Variants in PRR5 observed in about 807,000 individuals in gnomAD.
PRR5 encodes proline-rich protein 5.
Under a neutral mutation model 30.6 loss-of-function variants are expected in PRR5, and 25 were observed. The ratio of observed to expected loss-of-function variants is 0.82; its 90% CI spans 0.60 to 1.14. The LOEUF is 1.14. PRR5 is among the 50% of genes most tolerant of loss of function. The pLI, the probability that PRR5 is intolerant of heterozygous loss-of-function variation, is 0.00. For synonymous variants in PRR5, 286 were observed against 247.1 expected, an observed-to-expected ratio of 1.16 and a Z score of -1.48; for missense variants, 600 against 547.1, an observed-to-expected ratio of 1.10 and a Z score of -0.96.
intron 1 of PRR5, among the ~76,000 whole-genome samples, chr22:44,677,936 G>A (rs1923909569): frequency 6.6e-6 from 1 of 152,190 alleles, no homozygotes; most frequent in Non-Finnish European, 1.5e-5. Flanking sequence ...TTCCAGAGAG[G>A]CCCTGGCAGG....
chr22:44,713,809 C>G (rs1459309667), intron 1 of PRR5, among the ~76,000 whole-genome samples: 5 of 152,182 alleles, frequency 3.3e-5, no homozygotes, highest in African/African-American at 1.2e-4. Flanking sequence ...GTTTCGTTTT[C>G]TTTTGTTTTT....
chr22:44,681,512 C>T (rs1331447845), intron 1 of PRR5, among the ~76,000 whole-genome samples: 1 of 151,652 alleles, frequency 6.6e-6, no homozygotes, highest in Admixed American at 6.6e-5. Flanking sequence ...CGCTTGAAAC[C>T]GGAAGGCAGA....
chr22:44,726,555 G>C, intron 3 of PRR5, 22 bp from the exon 4 acceptor site: 1 of 1,613,968 alleles, frequency 6.2e-7, no homozygotes, highest in South Asian at 1.1e-5. Context: ...GGCGGTGACA[G>C]CCCCTCTGTG....
intron 1 of PRR5, among the ~76,000 whole-genome samples, chr22:44,671,533 T>C (rs1923425991): frequency 6.6e-6 from 1 of 152,050 alleles, no homozygotes. Context: ...CCTCAGACCC[T>C]CAGCTTCTGG....
At chr22:44,709,872 A>G (rs191092448) in intron 1 of PRR5, among the ~76,000 whole-genome samples, 150 of 152,292 alleles carry the variant, frequency 9.8e-4, no homozygotes, top group Admixed American at 3.7e-3. Context: ...ACAGAGAAAA[A>G]GAACTTCCGA....
chr22:44,736,450 T>C (rs1330910370), intron 7 of PRR5, among the ~76,000 whole-genome samples: 1 of 152,036 alleles, frequency 6.6e-6, no homozygotes, highest in African/African-American at 2.4e-5. Flanking sequence ...TCCATACACT[T>C]CCACAAGTGG....
intron 1 of PRR5, among the ~76,000 whole-genome samples, chr22:44,671,385 A>G (rs183408234): frequency 4.1e-4 from 63 of 152,130 alleles, no homozygotes; most frequent in Non-Finnish European, 6.8e-4. Flanking sequence ...TTATGTCTTA[A>G]AATTGAATCT....
intron 1 of PRR5, among the ~76,000 whole-genome samples, chr22:44,685,166 C>G (rs1401952733): frequency 6.6e-6 from 1 of 152,162 alleles, no homozygotes; most frequent in South Asian, 2.1e-4. Flanking sequence ...TGCCCCAGGT[C>G]GGAGGGTAGA....
intron 1 of PRR5, chr22:44,679,741 G>C: frequency 3.6e-6 from 5 of 1,405,254 alleles, no homozygotes; most frequent in Non-Finnish European, 4.9e-6. Flanking sequence ...GTAAGACTCA[G>C]CCTCCCCGCT....
At position 44,692,568 on chromosome 22, in the gene PRR5, AGGGCTCCTCCTCCCG is replaced by A. The variant is rs1024352077; in HGVS notation, c.-10-9909_-10-9895del. Among the ~76,000 whole-genome samples, 9 of 122,384 alleles carry A rather than the reference AGGGCTCCTCCTCCCG, an allele frequency of 7.4e-5. No homozygotes were observed. The East Asian group carries it at 8.1e-4, about 11-fold the overall frequency. 80.3% of individuals were successfully genotyped at this position (122,384 alleles called of 152,430 possible). A position where few individuals can be genotyped will look rare whatever the true frequency, so the allele number is the denominator to read the frequency against. On this transcript the variant is annotated intron_variant, in intron 1 of 8. Transcript: ENST00000006251. ...TCCTCCACCTGGCACTCCTCCACCC[AGGGCTCCTCCTCCCG>A]GGGCTCCTCCTCCCAGGGCAGTGTC...
chr22:44,697,882 C>T (rs1925906246), upstream of PRR5, among the ~76,000 whole-genome samples: 1 of 152,200 alleles, frequency 6.6e-6, no homozygotes, highest in South Asian at 2.1e-4. Context: ...TTAGTGGCCG[C>T]CCCTGTATCA....
chr22:44,714,997 C>G (rs1486454616), intron 2 of PRR5, among the ~76,000 whole-genome samples: 1 of 152,258 alleles, frequency 6.6e-6, no homozygotes, highest in Non-Finnish European at 1.5e-5. Flanking sequence ...ACGGCCCCCA[C>G]TGGTGCTGAG....
chr22:44,737,493 G>C lies in PRR5; in HGVS notation c.*246G>C. 1 of 702,132 alleles carries C rather than the reference G, an allele frequency of 1.4e-6. No individual in the cohort carries two copies. Among genetic ancestry groups the C allele is most frequent in the Non-Finnish European group, 2.2e-6 (1 of 464,094 alleles). 43.5% of individuals were successfully genotyped at this position (702,132 alleles called of 1,614,324 possible). ...CCCAGGGGCCGGGCCAGAGACGGGG[G>C]TCGGCCGCTCGCTCCCACGCTCCTC... On this transcript the variant is annotated 3_prime_UTR_variant, in exon 8 of 8. Coordinates refer to ENST00000336985, the MANE Select transcript of PRR5 (RefSeq NM_181333.4).
intron 1 of PRR5, among the ~76,000 whole-genome samples, chr22:44,704,677 G>T (rs925468807): frequency 2.6e-5 from 4 of 151,874 alleles, no homozygotes; most frequent in African/African-American, 7.3e-5. Flanking sequence ...GCCCTTAACT[G>T]ACTTTGCCAC....
intron 1 of PRR5, among the ~76,000 whole-genome samples, chr22:44,685,593 A>ACCCTCTCCCCAGTGAAAGCCACAC (rs1396585592): frequency 5.7e-5 from 7 of 122,214 alleles, no homozygotes; most frequent in East Asian, 3.6e-4. Flanking sequence ...TGAAAGCCAC[A>ACCCTCTCCCCAGTGAAAGCCACAC]CCCTCTCCCC....
intron 2 of PRR5, among the ~76,000 whole-genome samples, chr22:44,724,739 C>A (rs1329248657): frequency 6.6e-6 from 1 of 152,208 alleles, no homozygotes; most frequent in Non-Finnish European, 1.5e-5. Context: ...TCTCTTGCCT[C>A]CCCTGTAATA....
At chr22:44,681,128 C>G (rs1924244037) in intron 1 of PRR5, among the ~76,000 whole-genome samples, 1 of 152,234 alleles carries the variant, frequency 6.6e-6, no homozygotes, top group African/African-American at 2.4e-5. Context: ...TCCTCCTCTC[C>G]TGGCCTCTGT....
chr22:44,702,248 T>C lies in PRR5; in HGVS notation c.-227T>C. 1.8e-6 allele frequency: 2 copies of C among 1,131,378 alleles called. No homozygotes were observed. The highest frequency in any genetic ancestry group is 2.2e-6 in the Non-Finnish European group (2 of 923,330). 70.1% of individuals were successfully genotyped at this position (1,131,378 alleles called of 1,614,324 possible). A position where few individuals can be genotyped will look rare whatever the true frequency, so the allele number is the denominator to read the frequency against. ...TCTGTGCTGGCCGCGCGCCTGGCGCTCCACGCTGAGCCTCTCCGTGCAATG... is the reference window on the plus strand; with the variant it reads ...TCTGTGCTGGCCGCGCGCCTGGCGCCCCACGCTGAGCCTCTCCGTGCAATG... On this transcript the variant is annotated 5_prime_UTR_variant, in exon 1 of 8. Transcript: ENST00000336985.
At chr22:44,713,211 C>T (rs1045735928) in intron 1 of PRR5, among the ~76,000 whole-genome samples, 2 of 152,186 alleles carry the variant, frequency 1.3e-5, no homozygotes, top group Non-Finnish European at 2.9e-5. Context: ...GCAGCCTCCA[C>T]AGAGGGTGGA....
Sources: gnomAD v4.1 joint callset for allele counts (sites outside exome capture counted in the v4.1 genomes callset) on GRCh38, gnomAD v4.1.1 for gene constraint, MANE v1.5 for transcripts, NCBI Gene and HGNC (gene_info 2026-07-23, HGNC 2026-07-21) for gene names.